ITPR3: variants seen among roughly 807,000 people sequenced by gnomAD.
ITPR3 encodes the protein inositol 1,4,5-trisphosphate-gated calcium channel ITPR3.
In ITPR3, 173 loss-of-function variants were observed where a neutral mutation model predicts 293.2. The ratio of observed to expected loss-of-function variants is 0.59; its 90% CI spans 0.52 to 0.67. ITPR3 has a LOEUF of 0.67. Ranked by LOEUF, ITPR3 falls within the 30% of genes least tolerant of loss-of-function variation. ITPR3 has a pLI of 0.00. For synonymous variants in ITPR3, 1,295 were observed against 1,444.4 expected (o/e 0.90, Z 2.35); for missense variants, 2,796 against 3,592.1 (o/e 0.78, Z 5.66).
rs1764686185 is a variant in ITPR3, at chr6:33,668,981, C to T, written c.2014C>T (p.Pro672Ser). 1 of 1,613,386 alleles carries T rather than the reference C, an allele frequency of 6.2e-7. No individual in the cohort carries two copies. Among genetic ancestry groups the T allele is most frequent in the Admixed American group, 1.7e-5 (1 of 59,988 alleles). Residue 672 changes from proline (P) to serine (S), a missense_variant, in exon 18 of 58, where the codon CCC (proline) becomes TCC (serine). Physicochemically the swap from Pro to Ser is moderately conservative, Grantham distance 74. Coordinates refer to ENST00000605930, the MANE Select transcript of ITPR3 (RefSeq NM_002224.4). ...GTTGCTGGTGGTCTGCAGGCTTCGG[C>T]CCGTGAAGGAGATGGCCCAATCCCA... is the stretch of plus-strand genomic sequence containing the variant. ...SDILIRTELR[P>S]VKEMAQSHEY...
chr6:33,654,900 C>T lies in ITPR3; in HGVS notation c.161-866C>T, dbSNP rs141107727. 5.3e-5 allele frequency among the ~76,000 whole-genome samples: 8 copies of T among 152,202 alleles called. No individual in the cohort carries two copies. Among genetic ancestry groups the T allele is most frequent in the African/African-American group, 1.9e-4 (8 of 41,436 alleles). ...CCCCTCACCAGCACCCAGAATCCTC[C>T]CTCCCCTCCTACCAAGCTTTCGAAC... On this transcript the variant is annotated intron_variant, in intron 2 of 57. Coordinates refer to ENST00000605930, the MANE Select transcript of ITPR3 (RefSeq NM_002224.4). The surrounding 1 kb of genome is among the most constrained non-coding windows in gnomAD (Gnocchi z 4.1).
In ITPR3 at chr6:33,680,367, C is replaced by T. The variant is rs11967839; in HGVS notation, c.4263C>T (p.Tyr1421=). ...ATGTGAACTTCGTGAACCACTGCTA[C>T]GTGGACACGGAGGTGGAGATGAAGG... ...MAYVNFVNHC[Y]VDTEVEMKEI... The change falls in exon 32 of 58, where the codon TAC becomes TAT. Residue 1421 remains tyrosine, a synonymous_variant. Coordinates refer to ENST00000605930, the MANE Select transcript of ITPR3 (RefSeq NM_002224.4). The T allele has an allele frequency of 0.056, 89,785 of 1,612,554 alleles. 3,629 individuals are homozygous for T. Among genetic ancestry groups the T allele is most frequent in the African/African-American group, 0.24 (18,269 of 74,594 alleles).
chr6:33,621,687 T>C lies in ITPR3; in HGVS notation c.85T>C (p.Leu29=). The C allele has an allele frequency of 6.2e-7, 1 of 1,604,676 alleles. No homozygotes were observed. The highest frequency in any genetic ancestry group is 1.1e-5 in the South Asian group (1 of 89,616). ...CTCCGTCAATGGCTTCATCAGCACTTTGGGGTGAGTGAGCCGAGCTCGAGA... is the reference window on the plus strand; with the variant it reads ...CTCCGTCAATGGCTTCATCAGCACTCTGGGGTGAGTGAGCCGAGCTCGAGA... ...EGSVNGFIST[L]GLVDDRCVVE... Residue 29 remains leucine (L), a synonymous_variant, in exon 1 of 58, where the codon TTG becomes CTG. Transcript: ENST00000605930. The surrounding 1 kb of genome is among the most constrained non-coding windows in gnomAD (Gnocchi z 7.7).
Position 33,655,410 on chromosome 6 carries a change from G to A in ITPR3, c.161-356G>A, listed in dbSNP as rs188268944. Reference sequence around the variant, plus strand: ...TCAGCCAAGGCAATTAGCTAAAGAGGATGCAGATGTGAGCTGTTAGCTGCC... The same window carrying A: ...TCAGCCAAGGCAATTAGCTAAAGAGAATGCAGATGTGAGCTGTTAGCTGCC... On this transcript the variant is annotated intron_variant, in intron 2 of 57. Transcript: ENST00000605930. The surrounding 1 kb of genome is among the most constrained non-coding windows in gnomAD (Gnocchi z 4.9). Among the ~76,000 whole-genome samples the A allele has an allele frequency of 5.6e-4, 86 of 152,276 alleles. 1 individual carries two copies. Among genetic ancestry groups the A allele is most frequent in the Middle Eastern group, 6.8e-3 (2 of 294 alleles).
intron 3 of ITPR3, 29 bp from the exon 4 acceptor site, chr6:33,657,902 CA>C: frequency 6.2e-7 from 1 of 1,605,480 alleles, no homozygotes; most frequent in South Asian, 1.1e-5. Context: ...CTTCTGAGCC[CA>C]CCCTTCACTT....
Position 33,664,724 on chromosome 6 carries a change from A to T in ITPR3, c.1149-146A>T. 2.9e-6 allele frequency: 2 copies of T among 686,432 alleles called. No individual in the cohort carries two copies. Among genetic ancestry groups the T allele is most frequent in the South Asian group, 3.4e-5 (2 of 57,974 alleles). The allele number at this position is 686,432 out of a possible 1,614,324, so 42.5% of individuals were successfully genotyped here. A position where few individuals can be genotyped will look rare whatever the true frequency, so the allele number is the denominator to read the frequency against. On this transcript the variant is annotated intron_variant, in intron 11 of 57. Transcript: ENST00000605930. This position sits in a 1 kb window ranked among gnomAD's most constrained non-coding sequence, Gnocchi z 4.4. ...ATCTGGCTTCAGCCTCCTCATCTGG[A>T]GGGGCACCAGTGGCTCCTGTCCCAC...
intron 2 of ITPR3, among the ~76,000 whole-genome samples, chr6:33,650,962 C>T (rs1399114700): frequency 6.6e-6 from 1 of 152,120 alleles, no homozygotes; most frequent in East Asian, 1.9e-4. Flanking sequence ...TGAGCATATA[C>T]TGGTTATTGC....
intron 2 of ITPR3, among the ~76,000 whole-genome samples, chr6:33,650,699 A>G (rs1254988144): frequency 2.0e-5 from 3 of 151,892 alleles, no homozygotes; most frequent in Non-Finnish European, 4.4e-5. Context: ...TTGGTTATTG[A>G]AGCTTTTTTT....
Position 33,695,861 on chromosome 6 carries a change from T to C in ITPR3, c.*81T>C, listed in dbSNP as rs1259528633. The C allele has an allele frequency of 6.9e-7, 1 of 1,440,970 alleles. No individual in the cohort carries two copies. Among genetic ancestry groups the C allele is most frequent in the African/African-American group, 1.4e-5 (1 of 71,598 alleles). The allele number at this position is 1,440,970 out of a possible 1,614,324, so 89.3% of individuals were successfully genotyped here. ...GAAGAACACTGCCCCCTCCCTCGGG[T>C]TGGGTGGCCCAGCCAGCTGGCCAGC... On this transcript the variant is annotated 3_prime_UTR_variant, in exon 58 of 58. Coordinates refer to ENST00000605930, the MANE Select transcript of ITPR3 (RefSeq NM_002224.4).
chr6:33,669,015 T>C lies in ITPR3; in HGVS notation c.2048T>C (p.Leu683Pro). 1 of 1,614,100 alleles carries C rather than the reference T, an allele frequency of 6.2e-7. No homozygotes were observed. Among genetic ancestry groups the C allele is most frequent in the African/African-American group, 1.3e-5 (1 of 75,054 alleles). ...VKEMAQSHEY[L>P]SIEYSEEEVW... ...GAGATGGCCCAATCCCACGAGTACCTGAGCATCGAGTACTCAGAAGAGGAA... is the reference window on the plus strand; with the variant it reads ...GAGATGGCCCAATCCCACGAGTACCCGAGCATCGAGTACTCAGAAGAGGAA... Residue 683 changes from leucine to proline, a missense_variant, in exon 18 of 58, where the codon CTG becomes CCG. Around this residue, in one of 8 missense-constraint regions of ITPR3, gnomAD observed 955 missense variants for 1,180.8 expected, o/e 0.81. Coordinates refer to ENST00000605930, the MANE Select transcript of ITPR3 (RefSeq NM_002224.4).
intron 1 of ITPR3, among the ~76,000 whole-genome samples, chr6:33,623,844 C>G (rs1323726103): frequency 1.3e-5 from 2 of 152,150 alleles, no homozygotes; most frequent in African/African-American, 4.8e-5. Context: ...CCTCCCTCTG[C>G]AAACACCTCC....
At position 33,675,849 on chromosome 6, in the gene ITPR3, T is replaced by C; in HGVS notation, c.3275T>C (p.Phe1092Ser). 6.4e-7 allele frequency: 1 copy of C among 1,564,552 alleles called. No individual in the cohort carries two copies. The highest frequency in any genetic ancestry group is 8.7e-7 in the Non-Finnish European group (1 of 1,154,528). ...CAGCGCCAGGAGGCCATGCACACCT[T>C]CAAGCAGGTGACGGGACTACCTGGC... is the stretch of plus-strand genomic sequence containing the variant. Reference protein sequence around the residue: ...FSQRQEAMHTFKQVQLLISAQ... With the variant: ...FSQRQEAMHTSKQVQLLISAQ... The change falls in exon 25 of 58, where the codon TTC (phenylalanine) becomes TCC (serine). Residue 1092 changes from phenylalanine (F) to serine (S), a missense_variant. This residue lies in a region of ITPR3 where 955 missense variants were observed against 1,180.8 expected (regional missense o/e 0.81). Transcript: ENST00000605930. This position sits in a 1 kb window ranked among gnomAD's most constrained non-coding sequence, Gnocchi z 5.0.
At position 33,695,846 on chromosome 6, in the gene ITPR3, G is replaced by T. The variant is rs1264733471; in HGVS notation, c.*66G>T. The T allele has an allele frequency of 1.3e-6, 2 of 1,526,400 alleles. No homozygotes were observed. Among genetic ancestry groups the T allele is most frequent in the Admixed American group, 1.7e-5 (1 of 59,512 alleles). 94.6% of individuals were successfully genotyped at this position (1,526,400 alleles called of 1,614,324 possible). On this transcript the variant is annotated 3_prime_UTR_variant, in exon 58 of 58. Transcript: ENST00000605930. ...GGAGACTGCGACTGGGAAGAACACT[G>T]CCCCCTCCCTCGGGTTGGGTGGCCC...
At chr6:33,651,276 CAA>C (rs11284603) in intron 2 of ITPR3, among the ~76,000 whole-genome samples, 23,458 of 103,422 alleles carry the variant, frequency 0.23, 2,286 homozygotes, top group South Asian at 0.33. Context: ...GACTCCGTCT[CAA>C]AAAAAAAAAA....
chr6:33,678,429 C>T lies in ITPR3; in HGVS notation c.3657C>T (p.Ala1219=). The T allele has an allele frequency of 1.2e-6, 2 of 1,613,582 alleles. No individual in the cohort carries two copies. The highest frequency in any genetic ancestry group is 1.7e-6 in the Non-Finnish European group (2 of 1,179,896). The part of the protein sequence containing the change: ...LLQIPYDKGD[A]KMMEILRYTH... ...CTGACTCCTGTGTCCAGGGTGATGC[C>T]AAGATGATGGAGATCCTGCGCTACA... The change falls in exon 29 of 58, where the codon GCC becomes GCT. Residue 1219 remains alanine (A), a synonymous_variant. Transcript: ENST00000605930.
rs184383500 is a variant in ITPR3 at position 33,664,641 on chromosome 6, C to A, written c.1149-229C>A. 4.8e-4 allele frequency among the ~76,000 whole-genome samples: 73 copies of A among 152,290 alleles called. 1 individual carries two copies. The East Asian group carries it at 0.014, about 29-fold the overall frequency. On this transcript the variant is annotated intron_variant, in intron 11 of 57. Coordinates refer to ENST00000605930, the MANE Select transcript of ITPR3 (RefSeq NM_002224.4). This position sits in a 1 kb window ranked among gnomAD's most constrained non-coding sequence, Gnocchi z 4.4. The stretch of plus-strand genomic sequence containing the variant: ...TTTTGGAAGCGTGGACAAGGCTGCC[C>A]GTGTCAGTGCAGTGGTCAGGACGGG...
rs9296097 is a variant in ITPR3, at chr6:33,692,366, G to A, written c.7459-362G>A. ...GTTTCTGGAATGTGTGAGGCCAGGC[G>A]TCCTGAGGGTGGGCAGAGGTGTTCA... On this transcript the variant is annotated intron_variant, in intron 54 of 57. Transcript: ENST00000605930. The surrounding 1 kb of genome is among the most constrained non-coding windows in gnomAD (Gnocchi z 4.2). Among the ~76,000 whole-genome samples, 23,108 of 151,986 alleles carry A rather than the reference G, an allele frequency of 0.15. 2,093 individuals carry two copies. Among genetic ancestry groups the A allele is most frequent in the Middle Eastern group, 0.23 (68 of 294 alleles).
rs1449021841 is a variant in ITPR3 at position 33,692,446 on chromosome 6, GC to G, written c.7459-279del. Among the ~76,000 whole-genome samples the G allele has an allele frequency of 6.6e-6, 1 of 152,082 alleles. No homozygotes were observed. Among genetic ancestry groups the G allele is most frequent in the Non-Finnish European group, 1.5e-5 (1 of 68,012 alleles). ...GGGCAGAGACACACCGAGACTCGTAGCCCTACCTCCCCGCCAGACTCCTTCT... is the reference window on the plus strand; with the variant it reads ...GGGCAGAGACACACCGAGACTCGTAGCCTACCTCCCCGCCAGACTCCTTCT... On this transcript the variant is annotated intron_variant, in intron 54 of 57. Transcript: ENST00000605930. This position sits in a 1 kb window ranked among gnomAD's most constrained non-coding sequence, Gnocchi z 4.2.
At chr6:33,677,409 T>A in intron 27 of ITPR3, 95 bp from the exon 28 acceptor site, 2 of 1,551,878 alleles carry the variant, frequency 1.3e-6, no homozygotes, top group Non-Finnish European at 1.8e-6. Context: ...CCCCTTCCTG[T>A]CCCGGGTGCC....
Sources: allele counts gnomAD v4.1 joint callset (sites outside exome capture counted in the v4.1 genomes callset), GRCh38; gene constraint gnomAD v4.1.1; regional missense constraint gnomAD v4.1.1; non-coding constraint Gnocchi (gnomAD v3.1); transcripts MANE v1.5; gene names NCBI Gene and HGNC (gene_info 2026-07-23, HGNC 2026-07-21).